Variants in UBAP2 observed in about 807,000 individuals in gnomAD.
UBAP2 encodes the protein ubiquitin-associated protein 2.
A neutral mutation model predicts 139.6 loss-of-function variants in UBAP2; 75 were observed. That is an observed-to-expected ratio of 0.54 (90% CI 0.45 to 0.65). The LOEUF (loss-of-function observed/expected upper bound fraction) is 0.65. UBAP2 is among the 30% of genes least tolerant of loss of function. The pLI is 0.00. For synonymous variants in UBAP2, 526 were observed against 526.2 expected, an observed-to-expected ratio of 1.00 and a Z score of 0.01; for missense variants, 1,368 against 1,369.6, an observed-to-expected ratio of 1.00 and a Z score of 0.02.
At chr9:34,031,739 C>T (rs1019135250) in intron 1 of UBAP2, among the ~76,000 whole-genome samples, 1 of 150,788 alleles carries the variant, frequency 6.6e-6, no homozygotes, top group Non-Finnish European at 1.5e-5. Context: ...GAGCTGAGAT[C>T]ACACCACTGC....
At position 33,933,475 on chromosome 9, in the gene UBAP2, A is replaced by C; in HGVS notation, c.2108+15T>G. ...CCAAGGTACTTCTCACTTTGGGCCCACACCTTCCCCATACCTGCTAAGCTG... is the reference window on the plus strand; with the variant it reads ...CCAAGGTACTTCTCACTTTGGGCCCCCACCTTCCCCATACCTGCTAAGCTG... On this transcript the variant is annotated intron_variant, in intron 18 of 28. Transcript: ENST00000379238. 1 of 1,613,114 alleles carries C rather than the reference A, an allele frequency of 6.2e-7. No homozygotes were observed. Among genetic ancestry groups the C allele is most frequent in the Middle Eastern group, 1.7e-4 (1 of 6,044 alleles).
intron 1 of UBAP2, 120 bp from the exon 2 acceptor site, chr9:34,017,309 A>T (rs1010239050): frequency 6.5e-6 from 3 of 461,680 alleles, no homozygotes; most frequent in Non-Finnish European, 1.1e-5. Flanking sequence ...AATTCTCAAG[A>T]AGTAGCCCTT....
At chr9:33,932,341 G>A (rs1201566004) in intron 19 of UBAP2, among the ~76,000 whole-genome samples, 1 of 152,180 alleles carries the variant, frequency 6.6e-6, no homozygotes, top group Admixed American at 6.5e-5. Context: ...AAGGTCTGGA[G>A]CAATGATTCT....
intron 6 of UBAP2, among the ~76,000 whole-genome samples, chr9:33,986,381 GACTACA>G (rs1036761406): frequency 1.2e-4 from 19 of 152,238 alleles, no homozygotes; most frequent in Admixed American, 7.9e-4. Context: ...AGAGCAAAAA[GACTACA>G]ACTCACTGAA....
chr9:33,953,633 A>G (rs1826290036), intron 11 of UBAP2, among the ~76,000 whole-genome samples, 159 bp from the exon 12 acceptor site: 1 of 152,224 alleles, frequency 6.6e-6, no homozygotes, highest in Non-Finnish European at 1.5e-5. Flanking sequence ...GGCATCATCC[A>G]CACAAAAGAA....
rs566783694 is a variant in UBAP2 at position 33,989,964 on chromosome 9, C to A, written c.289-838G>T. On this transcript the variant is annotated intron_variant, in intron 4 of 28. Coordinates refer to ENST00000379238, the MANE Select transcript of UBAP2 (RefSeq NM_001370062.2). The stretch of plus-strand genomic sequence containing the variant: ...ATTTATAAAGCACCTAAATTTTTAA[C>A]CTCCAAAGAATTCTTCTAGTGAGAA... 1.4e-3 allele frequency among the ~76,000 whole-genome samples: 210 copies of A among 152,014 alleles called. 2 individuals are homozygous for A. The highest frequency in any genetic ancestry group is 2.7e-3 in the Non-Finnish European group (181 of 68,008).
intron 11 of UBAP2, 88 bp from the exon 12 acceptor site, chr9:33,953,562 T>G: frequency 5.2e-6 from 7 of 1,338,048 alleles, no homozygotes; most frequent in Non-Finnish European, 7.1e-6. Context: ...TATAGTGAAT[T>G]TACATTAAAA....
intron 1 of UBAP2, among the ~76,000 whole-genome samples, chr9:34,047,147 G>A (rs2131390888): frequency 6.6e-6 from 1 of 152,230 alleles, no homozygotes; most frequent in African/African-American, 2.4e-5. Context: ...TCTCTGAAAG[G>A]TTTCATAATT....
At chr9:34,041,793 G>A in intron 1 of UBAP2, among the ~76,000 whole-genome samples, 1 of 151,500 alleles carries the variant, frequency 6.6e-6, no homozygotes, top group Admixed American at 6.6e-5. Context: ...GGAGGCCGAA[G>A]CAGGCAGATC....
Position 33,927,940 on chromosome 9 carries a change from G to A in UBAP2, c.2228C>T (p.Thr743Met), listed in dbSNP as rs556985244. Residue 743 changes from threonine to methionine, a missense_variant, in exon 20 of 29, where the codon ACG becomes ATG. By Grantham distance (81) the Thr-to-Met change is moderately conservative. Transcript: ENST00000379238. Reference sequence around the variant, plus strand: ...GGAACTTGAGACGGAGGTCGCTGCCGTGGAGAAGGTGGCTGAGGACTGGTG... The same window carrying A: ...GGAACTTGAGACGGAGGTCGCTGCCATGGAGAAGGTGGCTGAGGACTGGTG... ...SSHQSSATFS[T>M]AATSVSSSAS... 4.2e-5 allele frequency: 67 copies of A among 1,614,156 alleles called. 1 individual carries two copies. Among genetic ancestry groups the A allele is most frequent in the Middle Eastern group, 1.6e-4 (1 of 6,062 alleles).
chr9:33,933,414 T>C (rs1824176148), intron 18 of UBAP2, 76 bp downstream of exon 18: 3 of 1,537,468 alleles, frequency 2.0e-6, no homozygotes, highest in Non-Finnish European at 2.7e-6. Flanking sequence ...GCTCTGTTCA[T>C]GAAAGCAACC....
intron 7 of UBAP2, among the ~76,000 whole-genome samples, chr9:33,972,835 T>C (rs911066299): frequency 2.0e-5 from 3 of 152,176 alleles, no homozygotes; most frequent in African/African-American, 4.8e-5. Context: ...TTTAGGTACG[T>C]CTATAGGTAT....
At chr9:33,975,720 G>A (rs1022664641) in intron 6 of UBAP2, among the ~76,000 whole-genome samples, 1 of 150,912 alleles carries the variant, frequency 6.6e-6, no homozygotes, top group Non-Finnish European at 1.5e-5. Context: ...GCAGAATGGC[G>A]TGAACCCGGA....
At chr9:33,965,706 T>C (rs1431178711) in intron 8 of UBAP2, among the ~76,000 whole-genome samples, 1 of 152,230 alleles carries the variant, frequency 6.6e-6, no homozygotes, top group Non-Finnish European at 1.5e-5. Context: ...ACTACTATGC[T>C]ATTGATTTAT....
chr9:34,010,763 A>T (rs756628455), intron 2 of UBAP2, among the ~76,000 whole-genome samples: 1 of 151,594 alleles, frequency 6.6e-6, no homozygotes. Flanking sequence ...TACAACAAAC[A>T]TTTTTTTTTA....
intron 4 of UBAP2, chr9:33,994,638 A>ACAAAAC (rs1172178341): frequency 2.0e-5 from 3 of 151,358 alleles, no homozygotes; most frequent in Non-Finnish European, 2.9e-5. Flanking sequence ...ACTATTCAAA[A>ACAAAAC]TTTTAATTTA....
intron 1 of UBAP2, among the ~76,000 whole-genome samples, chr9:34,031,422 C>T (rs1331528976): frequency 6.6e-6 from 1 of 152,104 alleles, no homozygotes; most frequent in Non-Finnish European, 1.5e-5. Flanking sequence ...ATTCTCCTGC[C>T]TTGGCCTCCT....
chr9:34,041,279 C>G (rs541807413), intron 1 of UBAP2, among the ~76,000 whole-genome samples: 96 of 144,680 alleles, frequency 6.6e-4, no homozygotes, highest in African/African-American at 2.2e-3. Flanking sequence ...ATAGTGAACC[C>G]ACAGCTCTAC....
chr9:33,927,902 C>T lies in UBAP2; in HGVS notation c.2266G>A (p.Ala756Thr), dbSNP rs751853002. 10 of 1,614,206 alleles carry T rather than the reference C, an allele frequency of 6.2e-6. No individual in the cohort carries two copies. Among genetic ancestry groups the T allele is most frequent in the South Asian group, 3.3e-5 (3 of 91,084 alleles). Residue 756 changes from alanine to threonine, a missense_variant, in exon 20 of 29, where the codon GCC (alanine) becomes ACC (threonine). By Grantham distance (58) the Ala-to-Thr change is moderately conservative (BLOSUM62 0). Coordinates refer to ENST00000379238, the MANE Select transcript of UBAP2 (RefSeq NM_001370062.2). The stretch of plus-strand genomic sequence containing the variant: ...GTGTTCATGCTACTGGACAGGCTGG[C>T]GCCTGAGGATGCGGAACTTGAGACG... Reference protein sequence around the residue: ...TSVSSSASSGASLSSSMNTAN... With the variant: ...TSVSSSASSGTSLSSSMNTAN...
Sources: allele counts gnomAD v4.1 joint callset (sites outside exome capture counted in the v4.1 genomes callset), GRCh38; gene constraint gnomAD v4.1.1; transcripts MANE v1.5; gene names NCBI Gene and HGNC (gene_info 2026-07-23, HGNC 2026-07-21).